The following NECTIN4 variants were observed in gnomAD, a reference collection of about 807,000 sequenced individuals.
The protein encoded by NECTIN4 is nectin-4.
Under a neutral mutation model 51.7 loss-of-function variants are expected in NECTIN4, and 19 were observed. That is an observed-to-expected ratio of 0.37 (90% CI 0.26 to 0.54). NECTIN4 has a LOEUF of 0.54. Among genes scored for constraint, NECTIN4 ranks in the 20% least tolerant of loss-of-function variants. NECTIN4 has a pLI of 0.86. For missense variants in NECTIN4, 619 were observed against 662.4 expected, an observed-to-expected ratio of 0.93 and a Z score of 0.72; for synonymous variants, 283 against 286.9, an observed-to-expected ratio of 0.99 and a Z score of 0.14.
At chr1:161,074,086 C>A (rs1244917017) in intron 6 of NECTIN4, 131 bp downstream of exon 6, 5 of 1,172,024 alleles carry the variant, frequency 4.3e-6, no homozygotes, top group East Asian at 2.4e-5. Context: ...CCTAGAAACA[C>A]CCTGCCCACC....
intron 4 of NECTIN4, 133 bp from the exon 5 acceptor site, chr1:161,074,892 C>T (rs780874813): frequency 1.0e-4 from 95 of 946,678 alleles, no homozygotes; most frequent in Non-Finnish European, 1.4e-4. Flanking sequence ...CACGGTGCCC[C>T]TCCCTCCACC....
chr1:161,079,716 G>C lies in NECTIN4; in HGVS notation c.313C>G (p.Arg105Gly). 11 of 1,609,214 alleles carry C rather than the reference G, an allele frequency of 6.8e-6. No individual in the cohort carries two copies. The highest frequency in any genetic ancestry group is 9.3e-6 in the Non-Finnish European group (11 of 1,179,778). Residue 105 changes from arginine (R) to glycine (G), a missense_variant, in exon 2 of 9, where the codon CGC (arginine) becomes GGC (glycine). Physicochemically the swap from Arg to Gly is moderately radical, Grantham distance 125. Around this residue, in one of 3 missense-constraint regions of NECTIN4, gnomAD observed 218 missense variants for 186.3 expected, o/e 1.17. Coordinates refer to ENST00000368012, the MANE Select transcript of NECTIN4 (RefSeq NM_030916.3). ...AGCACTGAGCCGTCCAGGGGGTTGC[G>C]TGGGGGCGGCGGCTGCTCCACGCGG... ...EGRVEQPPPP[R>G]NPLDGSVLLR...
chr1:161,075,942 GGC>G (rs910736807), intron 4 of NECTIN4, among the ~76,000 whole-genome samples: 13 of 152,128 alleles, frequency 8.5e-5, no homozygotes, highest in African/African-American at 2.9e-4. Flanking sequence ...TGGGGTTGGT[GGC>G]GCGCACCTGT....
At chr1:161,086,776 GAGCTCTAA>G (rs1653967545) in intron 1 of NECTIN4, 1 of 152,444 alleles carries the variant, frequency 6.6e-6, no homozygotes, top group Non-Finnish European at 1.5e-5. Context: ...CTGGGGCTCA[GAGCTCTAA>G]TGGCCCAGGA....
Position 161,074,516 on chromosome 1 carries a change from C to T in NECTIN4, c.1000+95G>A, listed in dbSNP as rs1326272834. 5.1e-6 allele frequency: 8 copies of T among 1,583,510 alleles called. No individual in the cohort carries two copies. The Admixed American group carries it at 1.3e-4, about 26-fold the overall frequency. On this transcript the variant is annotated intron_variant, in intron 5 of 8. Transcript: ENST00000368012. ...CACAGCCCAGCCCCCTCTGAATAAA[C>T]ACTTTCCCAATTCACTGTCTCTGTC...
At chr1:161,073,445 A>C in intron 7 of NECTIN4, 146 bp from the exon 8 acceptor site, 3 of 753,678 alleles carry the variant, frequency 4.0e-6, no homozygotes, top group Non-Finnish European at 6.8e-6. Flanking sequence ...AAACATCCTC[A>C]TTTCCCCACT....
In NECTIN4 at chr1:161,073,815, G is replaced by A. The variant is rs761630269; in HGVS notation, c.1158-20C>T. ...TCCTCACTGGGAAAGACACACCCTT[G>A]TCAGGAGCTGAGGGTAGTGGCAGCC... On this transcript the variant is annotated intron_variant, in intron 6 of 8. Coordinates refer to ENST00000368012, the MANE Select transcript of NECTIN4 (RefSeq NM_030916.3). 6.2e-7 allele frequency: 1 copy of A among 1,608,958 alleles called. No individual in the cohort carries two copies. The highest frequency in any genetic ancestry group is 1.7e-5 in the Admixed American group (1 of 60,026).
rs776580462 is a variant in NECTIN4 at position 161,073,812 on chromosome 1, C to T, written c.1158-17G>A. ...TCCTCCTCACTGGGAAAGACACACC[C>T]TTGTCAGGAGCTGAGGGTAGTGGCA... On this transcript the variant is annotated splice_polypyrimidine_tract_variant and intron_variant, in intron 6 of 8. Transcript: ENST00000368012. The T allele has an allele frequency of 6.2e-7, 1 of 1,611,828 alleles. No homozygotes were observed. Among genetic ancestry groups the T allele is most frequent in the Non-Finnish European group, 8.5e-7 (1 of 1,178,028 alleles).
chr1:161,072,912 C>T, intron 8 of NECTIN4, 27 bp from the exon 9 acceptor site: 1 of 1,593,234 alleles, frequency 6.3e-7, no homozygotes, highest in Non-Finnish European at 8.6e-7. Flanking sequence ...AAGGGCAAGT[C>T]AGGAACAAAG....
rs368440723 is a variant in NECTIN4, at chr1:161,074,218, A to G, written c.1156T>C (p.Tyr386His). ...RRKAQQMTQK[Y>H]EEELTLTREN... ...CACCCAGGAGTGCCCAGTACTCACT[A>G]TTTCTGGGTCATCTGCTGGGCCTTG... The change falls in exon 6 of 9, where the codon TAT becomes CAT. Residue 386 changes from tyrosine to histidine, a missense_variant and splice_region_variant. Around this residue, in one of 3 missense-constraint regions of NECTIN4, gnomAD observed 364 missense variants for 415.7 expected, o/e 0.88. Coordinates refer to ENST00000368012, the MANE Select transcript of NECTIN4 (RefSeq NM_030916.3). The G allele has an allele frequency of 6.2e-7, 1 of 1,613,932 alleles. No homozygotes were observed. Among genetic ancestry groups the G allele is most frequent in the South Asian group, 1.1e-5 (1 of 91,068 alleles).
chr1:161,076,165 C>A (rs1571147171), intron 4 of NECTIN4, among the ~76,000 whole-genome samples, 190 bp downstream of exon 4: 1 of 152,210 alleles, frequency 6.6e-6, no homozygotes, highest in African/African-American at 2.4e-5. Flanking sequence ...ATTCCCTGGG[C>A]AAGCCAATAA....
chr1:161,078,968 C>T (rs533835428), intron 2 of NECTIN4, among the ~76,000 whole-genome samples: 39 of 152,146 alleles, frequency 2.6e-4, no homozygotes, highest in African/African-American at 9.2e-4. Context: ...GCCGAGATCG[C>T]GCCAATGCAC....
rs182729388 is a variant in NECTIN4 at position 161,088,090 on chromosome 1, G to A, written c.79+1128C>T. ...CAGGGGTAGGAGCTCAGTATCCTACGACTGGAGGCTGGGCCCATGACCTAT... is the reference window on the plus strand; with the variant it reads ...CAGGGGTAGGAGCTCAGTATCCTACAACTGGAGGCTGGGCCCATGACCTAT... On this transcript the variant is annotated intron_variant, in intron 1 of 8. Transcript: ENST00000368012. 1.4e-4 allele frequency among the ~76,000 whole-genome samples: 22 copies of A among 152,286 alleles called. No individual in the cohort carries two copies. The East Asian group carries it at 3.7e-3, about 25-fold the overall frequency.
At position 161,089,111 on chromosome 1, in the gene NECTIN4, AAGG is replaced by A. The variant is rs1194676480; in HGVS notation, c.79+104_79+106del. The A allele has an allele frequency of 4.9e-6, 5 of 1,025,858 alleles. No individual in the cohort carries two copies. In the East Asian group the frequency reaches 9.5e-5, roughly 20 times the overall value. 63.5% of individuals were successfully genotyped at this position (1,025,858 alleles called of 1,614,324 possible). A position where few individuals can be genotyped will look rare whatever the true frequency, so the allele number is the denominator to read the frequency against. ...TGGATCCTCAGTTCAGAGTCAAAGA[AAGG>A]AGGATATGTGTGTGCGTGCGTGTGT... is the stretch of plus-strand genomic sequence containing the variant. On this transcript the variant is annotated intron_variant, in intron 1 of 8. Coordinates refer to ENST00000368012, the MANE Select transcript of NECTIN4 (RefSeq NM_030916.3). This position sits in a 1 kb window ranked among gnomAD's most constrained non-coding sequence, Gnocchi z 4.1.
chr1:161,075,726 C>T (rs1653385703), intron 4 of NECTIN4, among the ~76,000 whole-genome samples: 1 of 151,662 alleles, frequency 6.6e-6, no homozygotes, highest in South Asian at 2.1e-4. Flanking sequence ...GAGCCAAGAT[C>T]GCACCACTGC....
intron 4 of NECTIN4, 95 bp downstream of exon 4, chr1:161,076,260 A>C (rs1653408522): frequency 3.5e-6 from 5 of 1,419,036 alleles, no homozygotes; most frequent in Non-Finnish European, 4.9e-6. Flanking sequence ...TTGGGGGCTC[A>C]GAATATGTTG....
In NECTIN4 at chr1:161,077,509, A is replaced by G. The variant is rs767556645; in HGVS notation, c.674T>C (p.Val225Ala). 1.5e-5 allele frequency: 24 copies of G among 1,614,136 alleles called. No homozygotes were observed. Among genetic ancestry groups the G allele is most frequent in the Non-Finnish European group, 2.0e-5 (24 of 1,180,034 alleles). The change falls in exon 3 of 9, where the codon GTG becomes GCG. Residue 225 changes from valine to alanine, a missense_variant. Val to Ala is a moderately conservative substitution (Grantham distance 64). Around this residue, in one of 3 missense-constraint regions of NECTIN4, gnomAD observed 364 missense variants for 415.7 expected, o/e 0.88. Transcript: ENST00000368012. Reference sequence around the variant, plus strand: ...GTCCTGGAGCAGGCCAGGATGGGACACCACACAAGTCAGTGGCTGCCCATT... The same window carrying G: ...GTCCTGGAGCAGGCCAGGATGGGACGCCACACAAGTCAGTGGCTGCCCATT... Reference protein sequence around the residue: ...SMNGQPLTCVVSHPGLLQDQR... With the variant: ...SMNGQPLTCVASHPGLLQDQR...
intron 2 of NECTIN4, 145 bp downstream of exon 2, chr1:161,079,445 G>A: frequency 9.1e-7 from 1 of 1,102,542 alleles, no homozygotes. Context: ...TGCGAGGATA[G>A]CTAGCTGGAT....
chr1:161,073,768 C>T lies in NECTIN4; in HGVS notation c.1185G>A (p.Glu395=). 1 of 1,614,196 alleles carries T rather than the reference C, an allele frequency of 6.2e-7. No homozygotes were observed. The highest frequency in any genetic ancestry group is 8.5e-7 in the Non-Finnish European group (1 of 1,180,024). Residue 395 remains glutamate (E), a synonymous_variant, in exon 7 of 9, where the codon GAG becomes GAA. Coordinates refer to ENST00000368012, the MANE Select transcript of NECTIN4 (RefSeq NM_030916.3). ...GGGAATGCAGCCTCCGGATGGAGTT[C>T]TCCCTGGTCAGGGTCAGCTCCTCCT... ...KYEEELTLTR[E]NSIRRLHSHH...
Sources: gnomAD v4.1 joint callset for allele counts (sites outside exome capture counted in the v4.1 genomes callset) on GRCh38, gnomAD v4.1.1 for gene constraint, gnomAD v4.1.1 regional missense constraint, Gnocchi (gnomAD v3.1) non-coding constraint, MANE v1.5 for transcripts, NCBI Gene and HGNC (gene_info 2026-07-23, HGNC 2026-07-21) for gene names.